The following THNSL1 variants were observed in gnomAD, a reference collection of about 807,000 sequenced individuals.
The protein encoded by THNSL1 is threonine synthase-like 1.
Under a neutral mutation model 50.4 loss-of-function variants are expected in THNSL1, and 48 were observed. The observed-to-expected ratio is 0.95, with a 90% CI of 0.76 to 1.21. The LOEUF (loss-of-function observed/expected upper bound fraction) is 1.21, where lower values mean the gene tolerates loss of function less well. Among genes scored for constraint, THNSL1 ranks in the 50% most tolerant of loss-of-function variants. The pLI is 0.00. For missense variants in THNSL1, 896 were observed against 871.7 expected (o/e 1.03, Z -0.35); for synonymous variants, 309 against 306.1 (o/e 1.01, Z -0.10).
At chr10:24,973,349 A>C in the THNSL1 span, among the ~76,000 whole-genome samples, 3 of 151,798 alleles carry the variant, frequency 2.0e-5, no homozygotes, top group Non-Finnish European at 2.9e-5. Flanking sequence ...ATGGGCAGGG[A>C]GTGTAGACAG....
chr10:24,952,587 G>C, the THNSL1 span: 3 of 1,580,644 alleles, frequency 1.9e-6, no homozygotes, highest in Non-Finnish European at 2.6e-6. This position sits in a 1 kb window ranked among gnomAD's most constrained non-coding sequence, Gnocchi z 5.1. Flanking sequence ...TTTCTCCCGG[G>C]GAACGCGGGA....
At position 25,023,640 on chromosome 10, in the gene THNSL1, T is replaced by A; in HGVS notation, c.417T>A (p.Asp139Glu). ...TTACTGGGTCCAATCCAATGCATGA[T>A]GCTAGCATGTGGCATCTGAAGAAAA... ...ISLTGSNPMH[D>E]ASMWHLKKNG... Residue 139 changes from aspartate to glutamate, a missense_variant, in exon 3 of 3, where the codon GAT becomes GAA. Coordinates refer to ENST00000376356, the MANE Select transcript of THNSL1 (RefSeq NM_024838.5). The A allele has an allele frequency of 1.2e-6, 2 of 1,614,168 alleles. No homozygotes were observed. Among genetic ancestry groups the A allele is most frequent in the Non-Finnish European group, 1.7e-6 (2 of 1,180,024 alleles).
chr10:24,982,142 T>A, the THNSL1 span: 1 of 152,192 alleles, frequency 6.6e-6, no homozygotes, highest in Non-Finnish European at 1.5e-5. Context: ...AATAACCAGA[T>A]ATGCACAATA....
chr10:25,009,618 A>G, the THNSL1 span, among the ~76,000 whole-genome samples: 2 of 152,086 alleles, frequency 1.3e-5, no homozygotes, highest in African/African-American at 2.4e-5. Flanking sequence ...TTGCCATGTG[A>G]TATGGTTTTG....
chr10:24,988,295 T>TATGTGTATATATATTTATATAC, the THNSL1 span, among the ~76,000 whole-genome samples: 2 of 144,320 alleles, frequency 1.4e-5, no homozygotes, highest in Admixed American at 1.4e-4. Context: ...TATTTATATA[T>TATGTGTATATATATTTATATAC]GTATATATAT....
chr10:25,022,961 T>C (rs4748996), intron 2 of THNSL1, among the ~76,000 whole-genome samples: 42,730 of 152,078 alleles, frequency 0.28, 6,536 homozygotes, highest in East Asian at 0.5. Flanking sequence ...TTCAGTGTCT[T>C]GAGATTTTAA....
At chr10:25,003,173 A>ATTT in the THNSL1 span, among the ~76,000 whole-genome samples, 309 of 145,530 alleles carry the variant, frequency 2.1e-3, 2 homozygotes, top group Middle Eastern at 7.2e-3. Context: ...TTAATTAATT[A>ATTT]ATTAATTAAT....
chr10:24,985,410 A>T, the THNSL1 span, among the ~76,000 whole-genome samples: 1 of 152,238 alleles, frequency 6.6e-6, no homozygotes, highest in Non-Finnish European at 1.5e-5. Flanking sequence ...AAATTGCCAA[A>T]ATTCACTTGT....
At chr10:24,962,218 G>T in the THNSL1 span, among the ~76,000 whole-genome samples, 3 of 152,242 alleles carry the variant, frequency 2.0e-5, no homozygotes, top group South Asian at 6.2e-4. Flanking sequence ...TTCTATACAT[G>T]TTATATCATA....
At position 25,025,763 on chromosome 10, in the gene THNSL1, G is replaced by A. The variant is rs147709334; in HGVS notation, c.*308G>A. ...ACTGTTATGTGGACCAAAATGTCTG[G>A]TATACTATTTGGCGATTAAAATATT... On this transcript the variant is annotated 3_prime_UTR_variant, in exon 3 of 3. Transcript: ENST00000376356. The A allele has an allele frequency of 2.0e-3, 527 of 259,932 alleles. 5 individuals are homozygous for A. Among genetic ancestry groups the A allele is most frequent in the Non-Finnish European group, 3.1e-3 (396 of 127,376 alleles). 16.1% of individuals were successfully genotyped at this position (259,932 alleles called of 1,614,324 possible). A position where few individuals can be genotyped will look rare whatever the true frequency, so the allele number is the denominator to read the frequency against.
chr10:25,001,137 G>A, the THNSL1 span, among the ~76,000 whole-genome samples: 1 of 151,468 alleles, frequency 6.6e-6, no homozygotes, highest in African/African-American at 2.4e-5. Context: ...CCATATATTT[G>A]CCATTTCCAG....
At chr10:24,978,876 G>A in the THNSL1 span, among the ~76,000 whole-genome samples, 2 of 152,140 alleles carry the variant, frequency 1.3e-5, no homozygotes, top group South Asian at 2.1e-4. Flanking sequence ...CTGTTTCTTT[G>A]TATTACAGAT....
At chr10:25,008,619 A>C in the THNSL1 span, among the ~76,000 whole-genome samples, 1 of 152,224 alleles carries the variant, frequency 6.6e-6, no homozygotes, top group African/African-American at 2.4e-5. Context: ...ACCACATTAA[A>C]CAAAAACTAA....
In THNSL1 at chr10:25,023,392, A is replaced by T; in HGVS notation, c.169A>T (p.Asn57Tyr). 1 of 1,614,154 alleles carries T rather than the reference A, an allele frequency of 6.2e-7. No individual in the cohort carries two copies. The highest frequency in any genetic ancestry group is 1.1e-5 in the South Asian group (1 of 91,082). Residue 57 changes from asparagine to tyrosine, a missense_variant, in exon 3 of 3, where the codon AAT becomes TAT. Transcript: ENST00000376356. Reference sequence around the variant, plus strand: ...AACCCACTCTCTTGTTGGAGACAAAAATATTATCCTGATGGGACCTCCTGG... The same window carrying T: ...AACCCACTCTCTTGTTGGAGACAAATATATTATCCTGATGGGACCTCCTGG... ...YSTHSLVGDK[N>Y]IILMGPPGAG...
chr10:25,003,904 C>A, the THNSL1 span, among the ~76,000 whole-genome samples: 1 of 152,162 alleles, frequency 6.6e-6, no homozygotes, highest in South Asian at 2.1e-4. Flanking sequence ...TTAGCTCTCA[C>A]TTTAAGTGAG....
chr10:24,970,529 G>A, the THNSL1 span, among the ~76,000 whole-genome samples: 1 of 151,524 alleles, frequency 6.6e-6, no homozygotes, highest in Admixed American at 6.6e-5. Context: ...GGGCAACATA[G>A]CAAGAACCTG....
the THNSL1 span, among the ~76,000 whole-genome samples, chr10:24,976,746 G>A: frequency 2.6e-5 from 4 of 151,868 alleles, no homozygotes; most frequent in Admixed American, 1.3e-4. Flanking sequence ...CACCTGCCTC[G>A]GCCTCCCAAA....
At chr10:25,016,038 G>A (rs1850562099), upstream of THNSL1, 1 of 1,477,970 alleles carries the variant, frequency 6.8e-7, no homozygotes, top group East Asian at 2.5e-5. Flanking sequence ...TTTCTTCTTC[G>A]CCTTCTGAAG....
Position 25,023,564 on chromosome 10 carries a change from A to G in THNSL1, c.341A>G (p.Glu114Gly). 6.2e-7 allele frequency: 1 copy of G among 1,614,156 alleles called. No individual in the cohort carries two copies. The highest frequency in any genetic ancestry group is 8.5e-7 in the Non-Finnish European group (1 of 1,180,008). Residue 114 changes from glutamate (E) to glycine (G), a missense_variant, in exon 3 of 3, where the codon GAG becomes GGG. Glu to Gly is a moderately conservative substitution (Grantham distance 98, BLOSUM62 -2). Transcript: ENST00000376356. ...GTTGGTAATGAGCAATTTTTAGAAG[A>G]GGAAGGAAAAGCTGTGTTAAACTTC... ...QDVGNEQFLE[E>G]EGKAVLNFSA... is the part of the protein sequence containing the mutation.
Sources: allele counts gnomAD v4.1 joint callset (sites outside exome capture counted in the v4.1 genomes callset), GRCh38; gene constraint gnomAD v4.1.1; non-coding constraint Gnocchi (gnomAD v3.1); transcripts MANE v1.5; gene names NCBI Gene and HGNC (gene_info 2026-07-23, HGNC 2026-07-21).